Variants in ZFAND6 observed in about 807,000 individuals in gnomAD.
The protein encoded by ZFAND6 is AN1-type zinc finger protein 6.
ZFAND6 carries 12 observed loss-of-function variants against 24.5 expected under a neutral mutation model. The observed-to-expected ratio is 0.49, with a 90% CI of 0.31 to 0.79. The LOEUF (loss-of-function observed/expected upper bound fraction) is 0.79, where lower values mean the gene tolerates loss of function less well. Ranked by LOEUF, ZFAND6 falls within the 30% of genes least tolerant of loss-of-function variation. The pLI, the probability that ZFAND6 is intolerant of heterozygous loss-of-function variation, is 0.04. For synonymous variants in ZFAND6, 92 were observed against 81.5 expected (o/e 1.13, Z -0.69); for missense variants, 207 against 245.9 (o/e 0.84, Z 1.06).
At chr15:80,116,518 TAATAACA>T (rs1329217182) in intron 2 of ZFAND6, among the ~76,000 whole-genome samples, 1 of 152,222 alleles carries the variant, frequency 6.6e-6, no homozygotes, top group Non-Finnish European at 1.5e-5. Flanking sequence ...AAGTCTGCCT[TAATAACA>T]ACATTCTAGT....
intron 2 of ZFAND6, 25 bp from the exon 3 acceptor site, chr15:80,120,303 T>G (rs2040090561): frequency 6.8e-7 from 1 of 1,480,114 alleles, no homozygotes; most frequent in South Asian, 1.4e-5. Flanking sequence ...GTCTGAGTTC[T>G]TTGCTAATTT....
chr15:80,075,308 A>T (rs898031077), intron 1 of ZFAND6: 7 of 259,338 alleles, frequency 2.7e-5, no homozygotes, highest in Non-Finnish European at 5.4e-5. Flanking sequence ...TACCAAATAG[A>T]GATAAAGGTA....
chr15:80,122,659 G>T, intron 4 of ZFAND6, 41 bp from the exon 5 acceptor site: 1 of 1,310,616 alleles, frequency 7.6e-7, no homozygotes, highest in African/African-American at 1.4e-5. Context: ...ATATTCATGT[G>T]TAGAGATCAC....
rs1376953833 is a variant in ZFAND6 at position 80,080,951 on chromosome 15, A to G, written c.-180-17465A>G. The stretch of plus-strand genomic sequence containing the variant: ...GAGAACTCCTCCATCCCCATCATCC[A>G]GTCACCTCCCATCAGGCCCCACCTC... On this transcript the variant is annotated intron_variant, in intron 1 of 6. Coordinates refer to ENST00000261749, the MANE Select transcript of ZFAND6 (RefSeq NM_019006.4). Among the ~76,000 whole-genome samples the G allele has an allele frequency of 3.3e-5, 5 of 152,298 alleles. No individual in the cohort carries two copies. In the East Asian group the frequency reaches 9.6e-4, roughly 29 times the overall value.
intron 5 of ZFAND6, among the ~76,000 whole-genome samples, chr15:80,123,389 C>T (rs2040232562): frequency 6.6e-6 from 1 of 151,978 alleles, no homozygotes; most frequent in African/African-American, 2.4e-5. Context: ...GCGGAGTAGG[C>T]CATTTTGGAG....
intron 1 of ZFAND6, among the ~76,000 whole-genome samples, chr15:80,091,613 C>T (rs950588938): frequency 6.7e-6 from 1 of 150,040 alleles, no homozygotes; most frequent in Non-Finnish European, 1.5e-5. Flanking sequence ...ATAACAGATA[C>T]AAATTTTTAA....
chr15:80,093,812 A>G (rs534367952), intron 1 of ZFAND6, among the ~76,000 whole-genome samples: 1 of 152,370 alleles, frequency 6.6e-6, no homozygotes, highest in African/African-American at 2.4e-5. Context: ...ATGGAAGAAT[A>G]GCAGAGCTTT....
chr15:80,120,981 A>G (rs931637781), intron 3 of ZFAND6, among the ~76,000 whole-genome samples: 1 of 152,118 alleles, frequency 6.6e-6, no homozygotes, highest in Admixed American at 6.5e-5. Flanking sequence ...AGGGTTTTTT[A>G]TGCCTTTTTG....
At position 80,078,861 on chromosome 15, in the gene ZFAND6, C is replaced by CT. The variant is rs563085193; in HGVS notation, c.-181+19062dup. 1.9e-3 allele frequency among the ~76,000 whole-genome samples: 278 copies of CT among 144,264 alleles called. 1 individual carries two copies. The highest frequency in any genetic ancestry group is 5.6e-3 in the African/African-American group (222 of 39,330). The allele number at this position is 144,264 out of a possible 152,430, so 94.6% of individuals were successfully genotyped here. On this transcript the variant is annotated intron_variant, in intron 1 of 6. Transcript: ENST00000261749. ...TATTTGTTGGCTGTATTTATGTCTT[C>CT]TTTTTTTTTTCATTTGCTCAATTAT...
chr15:80,087,329 G>A (rs1397056828), intron 1 of ZFAND6, among the ~76,000 whole-genome samples: 1 of 152,190 alleles, frequency 6.6e-6, no homozygotes, highest in East Asian at 1.9e-4. Flanking sequence ...GGTGTGGTCA[G>A]TCTTTTAAAT....
chr15:80,102,209 G>T (rs566515100), intron 2 of ZFAND6, among the ~76,000 whole-genome samples: 51 of 151,946 alleles, frequency 3.4e-4, no homozygotes, highest in African/African-American at 1.2e-3. Context: ...GAGTGCAGTG[G>T]CATGATTCTC....
At chr15:80,091,923 A>G (rs1253664138) in intron 1 of ZFAND6, among the ~76,000 whole-genome samples, 1 of 152,114 alleles carries the variant, frequency 6.6e-6, no homozygotes, top group African/African-American at 2.4e-5. Context: ...TACAAACATG[A>G]GCCTCCGTAC....
chr15:80,127,882 G>A (rs2040438489), intron 5 of ZFAND6, among the ~76,000 whole-genome samples: 4 of 152,006 alleles, frequency 2.6e-5, no homozygotes, highest in African/African-American at 9.7e-5. Context: ...ACACAAAAAC[G>A]TGTACACAAG....
At chr15:80,092,957 A>T (rs936338459) in intron 1 of ZFAND6, among the ~76,000 whole-genome samples, 1 of 141,944 alleles carries the variant, frequency 7.0e-6, no homozygotes, top group African/African-American at 2.6e-5. Context: ...GGCTACTACA[A>T]TTTTTTTTTT....
At chr15:80,129,889 C>T (rs1358262668) in intron 5 of ZFAND6, 2 of 152,196 alleles carry the variant, frequency 1.3e-5, no homozygotes, top group Non-Finnish European at 2.9e-5. Context: ...GAAAGCACAA[C>T]TTATACAAGA....
rs2040937957 is a variant in ZFAND6, at chr15:80,138,017, A to G, written c.*389A>G. 1 of 156,550 alleles carries G rather than the reference A, an allele frequency of 6.4e-6. No individual in the cohort carries two copies. Among genetic ancestry groups the G allele is most frequent in the Non-Finnish European group, 1.4e-5 (1 of 70,870 alleles). 9.7% of individuals were successfully genotyped at this position (156,550 alleles called of 1,614,324 possible). On this transcript the variant is annotated 3_prime_UTR_variant, in exon 7 of 7. Transcript: ENST00000261749. ...TCTCTGCAGCACGATTTCTCTTTTG[A>G]TAATGCCCTTTAGGGCACAACTAGT...
intron 2 of ZFAND6, among the ~76,000 whole-genome samples, chr15:80,101,791 GT>G (rs750632508): frequency 0.049 from 6,069 of 123,016 alleles, 100 homozygotes; most frequent in African/African-American, 0.073. Flanking sequence ...TATGTAAAGT[GT>G]TTTTTTTTTT....
At chr15:80,063,547 A>G (rs1345112510) in intron 1 of ZFAND6, among the ~76,000 whole-genome samples, 1 of 147,802 alleles carries the variant, frequency 6.8e-6, no homozygotes, top group African/African-American at 2.5e-5. Flanking sequence ...ATGCACCACC[A>G]CGCCCAGCTA....
chr15:80,116,973 C>G (rs1157380231), intron 2 of ZFAND6, among the ~76,000 whole-genome samples: 1 of 152,124 alleles, frequency 6.6e-6, no homozygotes, highest in Non-Finnish European at 1.5e-5. Context: ...CTTACTATTT[C>G]TTGCTAAGCA....
Sources: gnomAD v4.1 joint callset for allele counts (sites outside exome capture counted in the v4.1 genomes callset) on GRCh38, gnomAD v4.1.1 for gene constraint, MANE v1.5 for transcripts, NCBI Gene and HGNC (gene_info 2026-07-23, HGNC 2026-07-21) for gene names.